The following MICAL2 variants were observed in gnomAD, a reference collection of about 807,000 sequenced individuals.
MICAL2 encodes microtubule associated monooxygenase, calponin and LIM domain containing 2.
A neutral mutation model predicts 127.3 loss-of-function variants in MICAL2; 77 were observed. The observed-to-expected ratio is 0.60, with a 90% CI of 0.50 to 0.73. The LOEUF (loss-of-function observed/expected upper bound fraction) is 0.73. Ranked by LOEUF, MICAL2 falls within the 30% of genes least tolerant of loss-of-function variation. The probability of loss-of-function intolerance (pLI) is 0.00; values close to 1 mark genes in which losing one functional copy is unlikely to be tolerated. For missense variants in MICAL2, 1,351 were observed against 1,434.4 expected (o/e 0.94, Z 0.94); for synonymous variants, 570 against 551.1 (o/e 1.03, Z -0.48).
At chr11:12,181,608 C>T (rs990486927) in intron 3 of MICAL2, among the ~76,000 whole-genome samples, 3 of 152,196 alleles carry the variant, frequency 2.0e-5, no homozygotes, top group Non-Finnish European at 4.4e-5. Context: ...ATGTGTTTAA[C>T]TTGCTTTAAG....
chr11:12,267,054 C>T (rs1159829749), downstream of MICAL2, among the ~76,000 whole-genome samples: 1 of 152,238 alleles, frequency 6.6e-6, no homozygotes, highest in African/African-American at 2.4e-5. Flanking sequence ...ACTGGTGGCA[C>T]CATCTGCTTT....
intron 3 of MICAL2, among the ~76,000 whole-genome samples, chr11:12,182,380 C>A (rs1369617558): frequency 3.9e-5 from 6 of 152,158 alleles, no homozygotes; most frequent in Non-Finnish European, 8.8e-5. Context: ...CGGGTCAAAT[C>A]TCTGCTCCTC....
At chr11:12,249,386 C>A in intron 22 of MICAL2, 140 bp downstream of exon 22, 1 of 615,938 alleles carries the variant, frequency 1.6e-6, no homozygotes, top group Non-Finnish European at 2.9e-6. Context: ...GGTGGGCAGA[C>A]ATGTGCTTGT....
At chr11:12,147,921 T>A (rs139711241) in intron 2 of MICAL2, among the ~76,000 whole-genome samples, 1 of 152,358 alleles carries the variant, frequency 6.6e-6, no homozygotes, top group East Asian at 1.9e-4. Flanking sequence ...ATAGACTTCC[T>A]GGGCGAATCT....
At chr11:12,148,834 T>TA (rs200138316) in intron 2 of MICAL2, among the ~76,000 whole-genome samples, 2 of 151,716 alleles carry the variant, frequency 1.3e-5, no homozygotes, top group South Asian at 4.1e-4. Context: ...GAGGGCAAAT[T>TA]ATGCTTCAAA....
At chr11:12,208,390 A>G (rs1365367111) in intron 5 of MICAL2, 2 of 382,178 alleles carry the variant, frequency 5.2e-6, no homozygotes, top group East Asian at 5.3e-5. Context: ...AGGGGTTGCT[A>G]CTTTGGCAAA....
intron 24 of MICAL2, among the ~76,000 whole-genome samples, chr11:12,258,004 T>C (rs1196007725): frequency 2.0e-5 from 3 of 152,256 alleles, no homozygotes; most frequent in African/African-American, 7.2e-5. Context: ...GCTGTCCATT[T>C]AGCTGCCTGG....
chr11:12,351,138 C>G (rs546252974), intron 33 of MICAL2, among the ~76,000 whole-genome samples: 3 of 152,224 alleles, frequency 2.0e-5, no homozygotes, highest in Admixed American at 1.3e-4. Flanking sequence ...CTGCAAAGAC[C>G]CTTTACAAAT....
chr11:12,242,681 A>C lies in MICAL2; in HGVS notation c.2567A>C (p.Gln856Pro). 1 of 1,612,970 alleles carries C rather than the reference A, an allele frequency of 6.2e-7. No individual in the cohort carries two copies. The highest frequency in any genetic ancestry group is 8.5e-7 in the Non-Finnish European group (1 of 1,179,612). ...VEEKILQKRA[Q>P]NLANREFHTK... ...TCACCTTCACTGCAGAAGAGGGCTC[A>C]GAACTTGGCCAACAGGGAATTTCAC... Residue 856 changes from glutamine (Q) to proline (P), a missense_variant, in exon 20 of 28, where the codon CAG becomes CCG. Physicochemically the swap from Gln to Pro is moderately conservative, Grantham distance 76. Around this residue, in one of 2 missense-constraint regions of MICAL2, gnomAD observed 752 missense variants for 719.4 expected, o/e 1.05. Transcript: ENST00000683283.
chr11:12,169,310 A>C (rs1855951474), intron 3 of MICAL2, among the ~76,000 whole-genome samples: 1 of 152,128 alleles, frequency 6.6e-6, no homozygotes, highest in South Asian at 2.1e-4. Flanking sequence ...GTAGGTGTGG[A>C]TCTAACTCTT....
chr11:12,147,576 T>C (rs1312958896), intron 2 of MICAL2, among the ~76,000 whole-genome samples: 2 of 152,214 alleles, frequency 1.3e-5, no homozygotes, highest in African/African-American at 4.8e-5. Flanking sequence ...CATTAAATTG[T>C]CCAGACAAGA....
downstream of MICAL2, chr11:12,293,703 C>T (rs767036973): frequency 3.1e-6 from 5 of 1,614,050 alleles, no homozygotes; most frequent in Admixed American, 6.7e-5. Flanking sequence ...CCAGAGTGGG[C>T]AGAGTACTGC....
chr11:12,360,119 T>TAA (rs369069433), downstream of MICAL2, among the ~76,000 whole-genome samples: 12 of 144,872 alleles, frequency 8.3e-5, no homozygotes, highest in African/African-American at 3.1e-4. Flanking sequence ...TTTTTTTTTT[T>TAA]AAAAAAAAAA....
At chr11:12,331,354 G>C (rs1022109031) in intron 32 of MICAL2, among the ~76,000 whole-genome samples, 2 of 152,130 alleles carry the variant, frequency 1.3e-5, no homozygotes, top group Admixed American at 1.3e-4. Context: ...CCAGCTTTGG[G>C]GAAGATTTAC....
At chr11:12,215,638 T>C (rs1367285959) in intron 7 of MICAL2, among the ~76,000 whole-genome samples, 1 of 152,184 alleles carries the variant, frequency 6.6e-6, no homozygotes. Flanking sequence ...ACAGCATGGT[T>C]TTAAATGCAG....
At chr11:12,118,261 A>G (rs1850209713) in intron 1 of MICAL2, among the ~76,000 whole-genome samples, 1 of 152,236 alleles carries the variant, frequency 6.6e-6, no homozygotes, top group Non-Finnish European at 1.5e-5. Context: ...ACGCACACAT[A>G]GATGCACGGT....
chr11:12,171,596 C>T (rs1466211157), intron 3 of MICAL2, among the ~76,000 whole-genome samples: 1 of 152,220 alleles, frequency 6.6e-6, no homozygotes, highest in Non-Finnish European at 1.5e-5. Flanking sequence ...CTGGGCAGTT[C>T]ACTGAGCCTG....
intron 32 of MICAL2, among the ~76,000 whole-genome samples, chr11:12,335,397 G>A (rs938095411): frequency 3.3e-5 from 5 of 152,018 alleles, no homozygotes; most frequent in Non-Finnish European, 5.9e-5. Flanking sequence ...CTCCCATTCT[G>A]TAGGTTGCCT....
chr11:12,124,737 C>G (rs1850777858), intron 1 of MICAL2, among the ~76,000 whole-genome samples: 1 of 152,224 alleles, frequency 6.6e-6, no homozygotes, highest in Non-Finnish European at 1.5e-5. Context: ...CTGTCCTGGT[C>G]TCCTCAATTG....
Sources: gnomAD v4.1 joint callset for allele counts (sites outside exome capture counted in the v4.1 genomes callset) on GRCh38, gnomAD v4.1.1 for gene constraint, gnomAD v4.1.1 regional missense constraint, MANE v1.5 for transcripts, NCBI Gene and HGNC (gene_info 2026-07-23, HGNC 2026-07-21) for gene names.